Variants in SORBS2 observed in about 807,000 individuals in gnomAD.
SORBS2 encodes the protein sorbin and SH3 domain-containing protein 2.
Under a neutral mutation model 97.7 loss-of-function variants are expected in SORBS2, and 46 were observed. The observed-to-expected ratio is 0.47, with a 90% CI of 0.37 to 0.60. The LOEUF is 0.60. Among genes scored for constraint, SORBS2 ranks in the 20% least tolerant of loss-of-function variants. The pLI, the probability that SORBS2 is intolerant of heterozygous loss-of-function variation, is 0.00. For synonymous variants in SORBS2, 476 were observed against 473.4 expected (o/e 1.01, Z -0.07); for missense variants, 1,316 against 1,282.3 (o/e 1.03, Z -0.40).
chr4:185,897,537 T>G (rs778247617), intron 1 of SORBS2, among the ~76,000 whole-genome samples: 14 of 152,338 alleles, frequency 9.2e-5, no homozygotes, highest in Middle Eastern at 3.4e-3. Flanking sequence ...AGAAAATTTG[T>G]ACATCTTTTC....
At chr4:185,716,958 T>C (rs2098470513) in intron 2 of SORBS2, among the ~76,000 whole-genome samples, 1 of 152,232 alleles carries the variant, frequency 6.6e-6, no homozygotes, top group African/African-American at 2.4e-5. Flanking sequence ...TTTTGATTAC[T>C]AGTGACATTT....
chr4:185,946,780 C>A (rs892197002), intron 1 of SORBS2, among the ~76,000 whole-genome samples: 3 of 152,098 alleles, frequency 2.0e-5, no homozygotes, highest in African/African-American at 7.2e-5. Context: ...AATTAAAGTG[C>A]CAAATAAGAC....
chr4:185,938,933 C>G (rs1304054224), intron 1 of SORBS2, among the ~76,000 whole-genome samples: 1 of 152,226 alleles, frequency 6.6e-6, no homozygotes, highest in East Asian at 1.9e-4. Context: ...TGCAAATGTG[C>G]TGATGGGTCT....
upstream of SORBS2, among the ~76,000 whole-genome samples, chr4:185,658,412 T>G (rs1225479093): frequency 4.2e-5 from 2 of 47,672 alleles, no homozygotes; most frequent in Admixed American, 2.4e-4. Flanking sequence ...ACACAGGAAT[T>G]TTAAAAAAAT....
At chr4:185,896,857 C>G (rs1165902931) in intron 1 of SORBS2, among the ~76,000 whole-genome samples, 1 of 149,876 alleles carries the variant, frequency 6.7e-6, no homozygotes, top group African/African-American at 2.5e-5. Flanking sequence ...GCCAGTGATA[C>G]CTGCCCTAAA....
chr4:185,923,667 T>C (rs1427766717), intron 1 of SORBS2, among the ~76,000 whole-genome samples: 2 of 151,958 alleles, frequency 1.3e-5, no homozygotes, highest in Admixed American at 1.3e-4. Flanking sequence ...GCAATGAGCA[T>C]TCGTTTGCAC....
intron 9 of SORBS2, among the ~76,000 whole-genome samples, chr4:185,617,188 C>T (rs939225276): frequency 4.6e-5 from 7 of 152,160 alleles, no homozygotes; most frequent in African/African-American, 7.2e-5. Context: ...AGAAATGAAA[C>T]GTGTGCTCCG....
At chr4:185,689,268 C>T (rs193300370) in intron 2 of SORBS2, among the ~76,000 whole-genome samples, 44 of 152,284 alleles carry the variant, frequency 2.9e-4, no homozygotes, top group Admixed American at 9.8e-4. Context: ...AGGGAAATGT[C>T]TTGGAAGGAT....
chr4:185,920,372 T>C (rs990076030), intron 1 of SORBS2, among the ~76,000 whole-genome samples: 2 of 152,180 alleles, frequency 1.3e-5, no homozygotes, highest in Non-Finnish European at 2.9e-5. Flanking sequence ...GCAAGTCCAG[T>C]CATATATTAC....
intron 1 of SORBS2, among the ~76,000 whole-genome samples, chr4:185,938,379 T>G (rs978421757): frequency 8.1e-6 from 1 of 123,022 alleles, no homozygotes; most frequent in Non-Finnish European, 1.7e-5. Context: ...CCCAGAAAAA[T>G]GTAGACACAT....
At chr4:185,692,178 C>T (rs985852147) in intron 2 of SORBS2, among the ~76,000 whole-genome samples, 39 of 152,282 alleles carry the variant, frequency 2.6e-4, no homozygotes, top group African/African-American at 8.9e-4. Context: ...TCCAAGAGCT[C>T]CCTGCAAGAG....
chr4:185,827,331 CATCATCAT>C (rs2099201287), intron 1 of SORBS2, among the ~76,000 whole-genome samples: 1 of 16,978 alleles, frequency 5.9e-5, no homozygotes, highest in African/African-American at 2.5e-4. Context: ...CCATCATCAT[CATCATCAT>C]CATCATCATC....
At chr4:185,757,953 A>G (rs1334638226) in intron 2 of SORBS2, among the ~76,000 whole-genome samples, 1 of 152,208 alleles carries the variant, frequency 6.6e-6, no homozygotes, top group Non-Finnish European at 1.5e-5. Context: ...CACTGATGGA[A>G]TTGAGTGTAA....
At chr4:185,780,172 C>T (rs528966710) in intron 1 of SORBS2, among the ~76,000 whole-genome samples, 6 of 152,120 alleles carry the variant, frequency 3.9e-5, no homozygotes, top group African/African-American at 1.2e-4. Context: ...TGCATCACCA[C>T]ACCCGGTTAA....
chr4:185,769,986 T>C (rs979861479), intron 2 of SORBS2, among the ~76,000 whole-genome samples: 1 of 151,982 alleles, frequency 6.6e-6, no homozygotes, highest in Non-Finnish European at 1.5e-5. Context: ...GTACACTGTA[T>C]TTTTTTTCTT....
chr4:185,701,028 A>ATTTGACGTACTGGCTAACTC (rs2098254011), intron 2 of SORBS2, among the ~76,000 whole-genome samples: 1 of 152,206 alleles, frequency 6.6e-6, no homozygotes, highest in African/African-American at 2.4e-5. Flanking sequence ...ATAATACTCT[A>ATTTGACGTACTGGCTAACTC]ACTTATTTGA....
intron 12 of SORBS2, among the ~76,000 whole-genome samples, chr4:185,603,632 T>A (rs1365482155): frequency 2.0e-5 from 3 of 152,338 alleles, no homozygotes; most frequent in Non-Finnish European, 4.4e-5. Context: ...GGTGAGCTAT[T>A]GTTTGAAGTC....
At chr4:185,773,446 G>T (rs2153627285) in intron 2 of SORBS2, 1 of 152,336 alleles carries the variant, frequency 6.6e-6, no homozygotes, top group South Asian at 2.1e-4. Context: ...ATAAATCCAA[G>T]TTCTGGAGAT....
chr4:185,733,456 C>T (rs918082118), intron 2 of SORBS2, among the ~76,000 whole-genome samples: 7 of 152,188 alleles, frequency 4.6e-5, no homozygotes, highest in Non-Finnish European at 7.3e-5. Context: ...GGGCCCATCC[C>T]GTGCTTCTCT....
Sources: allele counts gnomAD v4.1 joint callset (sites outside exome capture counted in the v4.1 genomes callset), GRCh38; gene constraint gnomAD v4.1.1; transcripts MANE v1.5; gene names NCBI Gene and HGNC (gene_info 2026-07-23, HGNC 2026-07-21).